Variants in CACNA2D1 observed in about 807,000 individuals in gnomAD.
CACNA2D1 encodes calcium voltage-gated channel auxiliary subunit alpha2delta 1, also known as voltage-dependent calcium channel subunit alpha-2/delta-1.
CACNA2D1 carries 53 observed loss-of-function variants against 171.5 expected under a neutral mutation model. The observed-to-expected ratio is 0.31, with a 90% confidence interval of 0.25 to 0.39. CACNA2D1 has a LOEUF of 0.39. CACNA2D1 is among the 10% of genes least tolerant of loss of function. The probability of loss-of-function intolerance (pLI) is 1.00; values close to 1 mark genes in which losing one functional copy is unlikely to be tolerated. For missense variants in CACNA2D1, 903 were observed against 1,299.8 expected, an observed-to-expected ratio of 0.69 and a Z score of 4.69; for synonymous variants, 442 against 443.1, an observed-to-expected ratio of 1.00 and a Z score of 0.03.
chr7:82,355,081 T>C (rs746465129), intron 1 of CACNA2D1, among the ~76,000 whole-genome samples: 12 of 152,152 alleles, frequency 7.9e-5, no homozygotes, highest in Admixed American at 3.3e-4. Context: ...TGATAACTTA[T>C]GAATATGCTG....
chr7:82,089,011 G>A (rs1276784981), intron 6 of CACNA2D1, among the ~76,000 whole-genome samples: 1 of 152,132 alleles, frequency 6.6e-6, no homozygotes, highest in Non-Finnish European at 1.5e-5. Context: ...ACAGAAGGCA[G>A]AGCTCAGGAA....
intron 3 of CACNA2D1, among the ~76,000 whole-genome samples, chr7:82,194,907 G>A (rs1798699711): frequency 1.3e-5 from 2 of 151,860 alleles, no homozygotes; most frequent in Non-Finnish European, 2.9e-5. Context: ...TGGGGGGCGG[G>A]GGAGATAGAG....
intron 3 of CACNA2D1, among the ~76,000 whole-genome samples, chr7:82,172,332 G>C (rs1037966538): frequency 7.9e-5 from 12 of 151,866 alleles, no homozygotes; most frequent in African/African-American, 2.9e-4. Flanking sequence ...GAAAAATGAA[G>C]CAAAACATGA....
chr7:82,213,698 T>G (rs1800799509), intron 3 of CACNA2D1, among the ~76,000 whole-genome samples: 1 of 152,120 alleles, frequency 6.6e-6, no homozygotes. Flanking sequence ...TACTCTTCTG[T>G]CCTCATCTTT....
chr7:82,071,751 A>G (rs1237193839), intron 7 of CACNA2D1, among the ~76,000 whole-genome samples: 4 of 152,202 alleles, frequency 2.6e-5, no homozygotes, highest in Admixed American at 2.6e-4. Flanking sequence ...CTGCCCTGCC[A>G]GAAACTATAC....
At chr7:82,188,094 C>T (rs546243675) in intron 3 of CACNA2D1, among the ~76,000 whole-genome samples, 4 of 152,270 alleles carry the variant, frequency 2.6e-5, no homozygotes, top group African/African-American at 9.6e-5. Flanking sequence ...TATAAGAGCA[C>T]TAATCACATT....
intron 18 of CACNA2D1, 108 bp downstream of exon 18, chr7:82,005,315 C>T (rs1314487919): frequency 4.0e-6 from 3 of 744,974 alleles, no homozygotes; most frequent in African/African-American, 1.7e-5. Context: ...AGAGACTGTA[C>T]TTTGATATTT....
chr7:82,270,157 C>T (rs1461516305), intron 3 of CACNA2D1, among the ~76,000 whole-genome samples: 1 of 152,138 alleles, frequency 6.6e-6, no homozygotes, highest in Non-Finnish European at 1.5e-5. Flanking sequence ...TCAGCTATCT[C>T]TGACATGCAC....
intron 3 of CACNA2D1, among the ~76,000 whole-genome samples, chr7:82,266,056 A>G (rs926794664): frequency 3.3e-5 from 5 of 152,174 alleles, no homozygotes; most frequent in Non-Finnish European, 7.4e-5. Context: ...GCATCTTTAT[A>G]ATGTACCATT....
At chr7:82,257,573 A>G (rs1806456758) in intron 3 of CACNA2D1, among the ~76,000 whole-genome samples, 3 of 152,372 alleles carry the variant, frequency 2.0e-5, no homozygotes, top group African/African-American at 7.2e-5. Flanking sequence ...TACAGGAGTT[A>G]ATGAGAGTAA....
intron 1 of CACNA2D1, among the ~76,000 whole-genome samples, chr7:82,421,284 G>A (rs917644817): frequency 7.9e-5 from 12 of 152,294 alleles, no homozygotes; most frequent in African/African-American, 2.9e-4. Flanking sequence ...AGATATCCCA[G>A]AAGCTCCTCT....
intron 6 of CACNA2D1, among the ~76,000 whole-genome samples, chr7:82,089,889 A>G (rs1250031991): frequency 6.6e-6 from 1 of 152,090 alleles, no homozygotes; most frequent in Non-Finnish European, 1.5e-5. Flanking sequence ...TTCTTGATTT[A>G]TTCAGGGTCC....
At chr7:82,321,438 C>T (rs894932561) in intron 3 of CACNA2D1, among the ~76,000 whole-genome samples, 3 of 151,646 alleles carry the variant, frequency 2.0e-5, no homozygotes, top group African/African-American at 4.8e-5. Context: ...AGAGTCTTAC[C>T]CCCTCCTCAA....
At chr7:82,427,343 T>C (rs1241688011) in intron 1 of CACNA2D1, among the ~76,000 whole-genome samples, 14 of 152,176 alleles carry the variant, frequency 9.2e-5, no homozygotes, top group Admixed American at 9.2e-4. Flanking sequence ...CCAAGAAAGA[T>C]CTAATTTATG....
intron 5 of CACNA2D1, among the ~76,000 whole-genome samples, chr7:82,124,954 A>G (rs894732513): frequency 3.3e-5 from 5 of 152,172 alleles, no homozygotes; most frequent in Non-Finnish European, 5.9e-5. Context: ...ATTAGATTTC[A>G]TTGCTGTTTG....
chr7:82,112,889 C>T (rs1045319126), intron 6 of CACNA2D1, among the ~76,000 whole-genome samples: 1 of 152,034 alleles, frequency 6.6e-6, no homozygotes, highest in Non-Finnish European at 1.5e-5. Flanking sequence ...AATTGAATAT[C>T]AAGATAAGTT....
intron 3 of CACNA2D1, among the ~76,000 whole-genome samples, chr7:82,294,763 T>A: frequency 6.6e-6 from 1 of 152,176 alleles, no homozygotes; most frequent in Middle Eastern, 3.2e-3. Context: ...TAAGTATCAA[T>A]CTTATCATTC....
chr7:82,175,787 A>G (rs965867156), intron 3 of CACNA2D1, among the ~76,000 whole-genome samples: 9 of 151,996 alleles, frequency 5.9e-5, no homozygotes, highest in African/African-American at 1.9e-4. Context: ...TACATTTTCT[A>G]CTTGGCATTC....
intron 3 of CACNA2D1, among the ~76,000 whole-genome samples, chr7:82,276,948 A>G (rs1439453445): frequency 6.6e-6 from 1 of 151,644 alleles, no homozygotes; most frequent in Admixed American, 6.6e-5. Flanking sequence ...AGGGTTCACC[A>G]TGTTGGCCAG....
Sources: allele counts gnomAD v4.1 joint callset (sites outside exome capture counted in the v4.1 genomes callset), GRCh38; gene constraint gnomAD v4.1.1; transcripts MANE v1.5; gene names NCBI Gene and HGNC (gene_info 2026-07-23, HGNC 2026-07-21).